ANK2: variants seen among roughly 807,000 people sequenced by gnomAD.
The protein encoded by ANK2 is ankyrin-2.
A neutral mutation model predicts 360.5 loss-of-function variants in ANK2; 83 were observed. The observed-to-expected ratio is 0.23, with a 90% CI of 0.19 to 0.28. The LOEUF (loss-of-function observed/expected upper bound fraction) is 0.28. ANK2 is among the 10% of genes least tolerant of loss of function. The pLI is 1.00. For synonymous variants in ANK2, 1,740 were observed against 1,759.5 expected (o/e 0.99, Z 0.28); for missense variants, 4,201 against 4,795.7 (o/e 0.88, Z 3.66).
At chr4:113,037,056 A>G (rs1399799874) in intron 2 of ANK2, among the ~76,000 whole-genome samples, 1 of 151,960 alleles carries the variant, frequency 6.6e-6, no homozygotes, top group Admixed American at 6.6e-5. Flanking sequence ...GCAGTGGTGT[A>G]TAATAATACA....
chr4:112,914,165 C>T (rs1286107561), intron 2 of ANK2, among the ~76,000 whole-genome samples: 1 of 152,244 alleles, frequency 6.6e-6, no homozygotes, highest in East Asian at 1.9e-4. Context: ...AAAACTCATG[C>T]TTTTAATCAT....
At chr4:112,759,849 C>T in the ANK2 span, among the ~76,000 whole-genome samples, 1 of 152,120 alleles carries the variant, frequency 6.6e-6, no homozygotes, top group Non-Finnish European at 1.5e-5. Flanking sequence ...AATTCATCAC[C>T]AAGTTCCAAC....
At chr4:113,139,461 C>G (rs772793643) in intron 1 of ANK2, among the ~76,000 whole-genome samples, 2 of 152,156 alleles carry the variant, frequency 1.3e-5, no homozygotes, top group African/African-American at 4.8e-5. Flanking sequence ...TCACTTGACC[C>G]TCTCTTCAAA....
chr4:113,046,651 G>A (rs2064524867), upstream of ANK2, among the ~76,000 whole-genome samples: 1 of 151,956 alleles, frequency 6.6e-6, no homozygotes, highest in Non-Finnish European at 1.5e-5. Flanking sequence ...CTTGATCTTG[G>A]AACTTCCCAG....
intron 41 of ANK2, 144 bp from the exon 42 acceptor site, chr4:113,367,422 T>A: frequency 1.3e-6 from 1 of 767,014 alleles, no homozygotes; most frequent in African/African-American, 1.8e-5. Flanking sequence ...CAGTGTCTTC[T>A]TCATCTTTGT....
chr4:112,896,388 G>A (rs1280085085), intron 1 of ANK2, among the ~76,000 whole-genome samples: 1 of 152,164 alleles, frequency 6.6e-6, no homozygotes, highest in East Asian at 1.9e-4. Context: ...CTGTTGTTAA[G>A]CCCTTTGCTT....
chr4:113,299,430 C>T (rs539078174), intron 22 of ANK2, among the ~76,000 whole-genome samples: 10 of 152,110 alleles, frequency 6.6e-5, no homozygotes, highest in Non-Finnish European at 1.3e-4. Context: ...AAAGGTCAGC[C>T]GCGGTAGCTC....
At chr4:112,767,396 A>G in the ANK2 span, among the ~76,000 whole-genome samples, 1 of 152,064 alleles carries the variant, frequency 6.6e-6, no homozygotes. Context: ...CCCCGTCTCT[A>G]CTAAAAATAC....
chr4:113,266,809 G>A (rs926356941), intron 14 of ANK2, among the ~76,000 whole-genome samples: 5 of 152,094 alleles, frequency 3.3e-5, no homozygotes, highest in African/African-American at 7.2e-5. Flanking sequence ...CCCGGGAGGC[G>A]GAGGTTGCGG....
At chr4:113,301,378 TACACACACACACACAC>T (rs59844602) in intron 22 of ANK2, among the ~76,000 whole-genome samples, 3 of 149,498 alleles carry the variant, frequency 2.0e-5, no homozygotes, top group East Asian at 3.9e-4. Context: ...GATGTTTTGA[TACACACACACACACAC>T]ACACACACAC....
intron 2 of ANK2, among the ~76,000 whole-genome samples, chr4:113,003,770 G>A (rs1023758632): frequency 6.6e-6 from 1 of 152,142 alleles, no homozygotes; most frequent in African/African-American, 2.4e-5. Flanking sequence ...GTCGCTTAAC[G>A]ACAGGGATAT....
At chr4:112,849,690 C>A (rs2064173745) in intron 1 of ANK2, among the ~76,000 whole-genome samples, 1 of 152,196 alleles carries the variant, frequency 6.6e-6, no homozygotes, top group Admixed American at 6.5e-5. Context: ...CTTTAATTTA[C>A]CTTTCCAGCT....
the ANK2 span, among the ~76,000 whole-genome samples, chr4:112,772,880 C>T: frequency 4.6e-5 from 7 of 152,080 alleles, no homozygotes; most frequent in African/African-American, 9.7e-5. Context: ...TAGGAGGTGA[C>T]GGTACTGGGG....
chr4:113,374,607 T>C (rs2096859449), intron 45 of ANK2, among the ~76,000 whole-genome samples: 1 of 152,242 alleles, frequency 6.6e-6, no homozygotes, highest in Non-Finnish European at 1.5e-5. Context: ...CAATAGGTTA[T>C]AGTTCGTTTT....
Position 113,311,363 on chromosome 4 carries a change from A to C in ANK2, c.2657A>C (p.Tyr886Ser). The C allele has an allele frequency of 6.2e-7, 1 of 1,614,146 alleles. No individual in the cohort carries two copies. The highest frequency in any genetic ancestry group is 8.5e-7 in the Non-Finnish European group (1 of 1,180,014). The change falls in exon 24 of 46, where the codon TAC becomes TCC. Residue 886 changes from tyrosine (Y) to serine (S), a missense_variant. Tyr to Ser is a moderately radical substitution (Grantham distance 144, BLOSUM62 -2). This residue lies in a region of ANK2 where 1,268 missense variants were observed against 1,650.8 expected (regional missense o/e 0.77). Transcript: ENST00000357077. ...AGTCAGTTCCTGGATGGTATGAATT[A>C]CCTGCGATACAGCTTGGAGGGAGGA... ...PSSQFLDGMNYLRYSLEGGRS... is the reference protein window; with the variant it reads ...PSSQFLDGMNSLRYSLEGGRS...
intron 2 of ANK2, among the ~76,000 whole-genome samples, chr4:113,002,831 T>C (rs2051298778): frequency 6.6e-6 from 1 of 152,202 alleles, no homozygotes; most frequent in Non-Finnish European, 1.5e-5. Flanking sequence ...CCACTTCCTC[T>C]AAGATTATGA....
the ANK2 span, among the ~76,000 whole-genome samples, chr4:112,745,935 GA>G: frequency 6.6e-6 from 1 of 151,912 alleles, no homozygotes; most frequent in Non-Finnish European, 1.5e-5. Flanking sequence ...CCTGGTCTCT[GA>G]TAACCATTTT....
In ANK2 at chr4:113,149,874, C is replaced by CAAAAAAAAAAAAAAAAAAAAAA. The variant is rs34667216; in HGVS notation, c.85-24537_85-24516dup. 6.1e-4 allele frequency among the ~76,000 whole-genome samples: 19 copies of CAAAAAAAAAAAAAAAAAAAAAA among 31,402 alleles called. 1 individual carries two copies. Among genetic ancestry groups the CAAAAAAAAAAAAAAAAAAAAAA allele is most frequent in the East Asian group, 4.1e-3 (2 of 492 alleles). The allele number at this position is 31,402 out of a possible 152,430, so 20.6% of individuals were successfully genotyped here. A position where few individuals can be genotyped will look rare whatever the true frequency, so the allele number is the denominator to read the frequency against. ...CTTGCGTGAGAGTGAGACCCTGCCTCAAAAAAAAAAAAAAAAAAAAAAAAA... is the reference window on the plus strand; with the variant it reads ...CTTGCGTGAGAGTGAGACCCTGCCTCAAAAAAAAAAAAAAAAAAAAAAAAAAAAAAAAAAAAAAAAAAAAAAA... On this transcript the variant is annotated intron_variant, in intron 1 of 45. Transcript: ENST00000357077.
upstream of ANK2, among the ~76,000 whole-genome samples, chr4:113,047,310 T>C (rs966347547): frequency 6.6e-6 from 1 of 152,192 alleles, no homozygotes; most frequent in Admixed American, 6.5e-5. Context: ...CCCCAGAGCA[T>C]TTGTCACTAT....
Sources: allele counts gnomAD v4.1 joint callset (sites outside exome capture counted in the v4.1 genomes callset), GRCh38; gene constraint gnomAD v4.1.1; regional missense constraint gnomAD v4.1.1; transcripts MANE v1.5; gene names NCBI Gene and HGNC (gene_info 2026-07-23, HGNC 2026-07-21).